RASEF: variants seen among roughly 807,000 people sequenced by gnomAD.
The protein encoded by RASEF is ras and EF-hand domain-containing protein.
In RASEF, 68 loss-of-function variants were observed where a neutral mutation model predicts 90.1. The ratio of observed to expected loss-of-function variants is 0.75; its 90% CI spans 0.62 to 0.92. The LOEUF (loss-of-function observed/expected upper bound fraction) is 0.92. RASEF is among the 40% of genes least tolerant of loss of function. The pLI, the probability that RASEF is intolerant of heterozygous loss-of-function variation, is 0.00. For missense variants in RASEF, 949 were observed against 937.2 expected, an observed-to-expected ratio of 1.01 and a Z score of -0.16; for synonymous variants, 331 against 345.2, an observed-to-expected ratio of 0.96 and a Z score of 0.46.
At chr9:83,029,393 CT>C (rs869144602) in intron 1 of RASEF, among the ~76,000 whole-genome samples, 2,591 of 134,746 alleles carry the variant, frequency 0.019, 57 homozygotes, top group African/African-American at 0.059. Context: ...GACTTGCCTT[CT>C]TTTTTTTTTT....
At chr9:83,007,811 T>A (rs1020571603) in intron 6 of RASEF, among the ~76,000 whole-genome samples, 4 of 152,166 alleles carry the variant, frequency 2.6e-5, no homozygotes, top group African/African-American at 7.2e-5. Context: ...TCCATCCCCA[T>A]GCTCGCTGAC....
At chr9:83,142,803 T>C in the RASEF span, among the ~76,000 whole-genome samples, 1 of 152,210 alleles carries the variant, frequency 6.6e-6, no homozygotes, top group Non-Finnish European at 1.5e-5. Flanking sequence ...CATCTAAAAA[T>C]AAAGGAGTTT....
chr9:83,156,249 G>T, the RASEF span, among the ~76,000 whole-genome samples: 1 of 152,126 alleles, frequency 6.6e-6, no homozygotes, highest in East Asian at 1.9e-4. Context: ...CAAGCCCATG[G>T]TCATTTAATT....
chr9:83,195,231 A>G, the RASEF span, among the ~76,000 whole-genome samples: 1 of 151,932 alleles, frequency 6.6e-6, no homozygotes, highest in Non-Finnish European at 1.5e-5. Flanking sequence ...CATACCCATC[A>G]CTCACCCATG....
At chr9:83,098,932 T>C in the RASEF span, among the ~76,000 whole-genome samples, 10 of 152,224 alleles carry the variant, frequency 6.6e-5, no homozygotes, top group African/African-American at 2.4e-4. Context: ...CCATATCAGA[T>C]GGTTCTAGGA....
chr9:83,075,793 A>T, the RASEF span, among the ~76,000 whole-genome samples: 1 of 152,066 alleles, frequency 6.6e-6, no homozygotes, highest in Non-Finnish European at 1.5e-5. Flanking sequence ...ATTCATCTAT[A>T]TTTAGAAAAA....
intron 1 of RASEF, among the ~76,000 whole-genome samples, chr9:83,040,434 T>A (rs956360351): frequency 6.6e-6 from 1 of 152,190 alleles, no homozygotes; most frequent in Non-Finnish European, 1.5e-5. Flanking sequence ...TCTATGGCGA[T>A]CAACAAAGAC....
chr9:83,078,464 C>T, the RASEF span, among the ~76,000 whole-genome samples: 1 of 152,072 alleles, frequency 6.6e-6, no homozygotes, highest in Non-Finnish European at 1.5e-5. Context: ...CTCAGGAGTT[C>T]AAGACCAGCC....
chr9:83,158,771 CAT>C, the RASEF span, among the ~76,000 whole-genome samples: 38 of 139,476 alleles, frequency 2.7e-4, no homozygotes, highest in Admixed American at 3.6e-4. Context: ...TATATACACA[CAT>C]ATGAATATAT....
chr9:83,076,166 G>GAAAAA, the RASEF span, among the ~76,000 whole-genome samples: 3 of 127,278 alleles, frequency 2.4e-5, no homozygotes, highest in African/African-American at 8.3e-5. Flanking sequence ...GACTGTCTCA[G>GAAAAA]AAAAAAAAAA....
chr9:83,046,304 AT>A (rs1047513932), intron 1 of RASEF, among the ~76,000 whole-genome samples: 18 of 152,102 alleles, frequency 1.2e-4, no homozygotes, highest in Non-Finnish European at 2.6e-4. Context: ...CTGTGCTAGT[AT>A]TTTATTAGGA....
At chr9:83,138,652 C>T in the RASEF span, among the ~76,000 whole-genome samples, 398 of 152,210 alleles carry the variant, frequency 2.6e-3, 4 homozygotes, top group African/African-American at 9.1e-3. Flanking sequence ...TCCAAACACA[C>T]AATTGGCTAT....
chr9:83,169,709 T>A, the RASEF span, among the ~76,000 whole-genome samples: 1 of 152,158 alleles, frequency 6.6e-6, no homozygotes, highest in African/African-American at 2.4e-5. Flanking sequence ...ATGTTGAGCA[T>A]TTTTTCATAT....
At chr9:83,213,401 A>G in the RASEF span, among the ~76,000 whole-genome samples, 1 of 147,040 alleles carries the variant, frequency 6.8e-6, no homozygotes, top group Non-Finnish European at 1.5e-5. Flanking sequence ...CTTCATCTGA[A>G]AAAAAAAAAA....
chr9:83,008,739 T>C (rs1020474172), intron 6 of RASEF, among the ~76,000 whole-genome samples: 1 of 151,816 alleles, frequency 6.6e-6, no homozygotes, highest in Non-Finnish European at 1.5e-5. Context: ...TCACCTCTTC[T>C]GAACTAAAAC....
At chr9:83,100,273 T>C in the RASEF span, among the ~76,000 whole-genome samples, 26 of 152,184 alleles carry the variant, frequency 1.7e-4, no homozygotes, top group Non-Finnish European at 2.8e-4. Flanking sequence ...AAAAGAAATA[T>C]AGTATTGTTC....
chr9:83,036,080 T>C (rs184849329), intron 1 of RASEF, among the ~76,000 whole-genome samples: 3 of 152,344 alleles, frequency 2.0e-5, no homozygotes, highest in Admixed American at 2.0e-4. Context: ...GATAGAATAA[T>C]ATGTGGCTAA....
At chr9:83,011,180 G>A (rs1829236239) in intron 5 of RASEF, among the ~76,000 whole-genome samples, 1 of 152,124 alleles carries the variant, frequency 6.6e-6, no homozygotes, top group South Asian at 2.1e-4. Flanking sequence ...TATGCAAAAT[G>A]CTGCAATTCA....
intron 5 of RASEF, among the ~76,000 whole-genome samples, chr9:83,011,521 C>T (rs1829243018): frequency 8.0e-6 from 1 of 125,210 alleles, no homozygotes; most frequent in South Asian, 2.5e-4. Flanking sequence ...CACTGTAGTC[C>T]AGCCTGGTGA....
Sources: gnomAD v4.1 joint callset for allele counts (sites outside exome capture counted in the v4.1 genomes callset) on GRCh38, gnomAD v4.1.1 for gene constraint, MANE v1.5 for transcripts, NCBI Gene and HGNC (gene_info 2026-07-23, HGNC 2026-07-21) for gene names.